The following TCTN1 variants were observed in gnomAD, a reference collection of about 807,000 sequenced individuals.
TCTN1 encodes tectonic-1.
In TCTN1, 58 loss-of-function variants were observed where a neutral mutation model predicts 65.8. The observed-to-expected ratio is 0.88, with a 90% CI of 0.71 to 1.10. The LOEUF (loss-of-function observed/expected upper bound fraction) is 1.10, where lower values mean the gene tolerates loss of function less well. TCTN1 is among the 50% of genes least tolerant of loss of function. TCTN1 has a pLI of 0.00. For missense variants in TCTN1, 645 were observed against 719.4 expected (o/e 0.90, Z 1.18); for synonymous variants, 273 against 289.1 (o/e 0.94, Z 0.57).
chr12:110,628,475 G>A (rs1265243910), intron 3 of TCTN1, among the ~76,000 whole-genome samples: 1 of 151,792 alleles, frequency 6.6e-6, no homozygotes, highest in African/African-American at 2.4e-5. Flanking sequence ...CGAGTAGCTG[G>A]GATTACAGGT....
At chr12:110,638,102 C>CT (rs56276123) in intron 7 of TCTN1, among the ~76,000 whole-genome samples, 21,789 of 152,056 alleles carry the variant, frequency 0.14, 2,149 homozygotes, top group African/African-American at 0.28. Flanking sequence ...GATGAATGAG[C>CT]TGCCCATGGC....
chr12:110,634,003 T>C (rs1329668051), intron 5 of TCTN1, among the ~76,000 whole-genome samples: 2 of 152,190 alleles, frequency 1.3e-5, no homozygotes. Context: ...GGAACTGGTA[T>C]AATAATTATG....
intron 2 of TCTN1, 85 bp from the exon 3 acceptor site, chr12:110,626,277 A>C: frequency 7.0e-7 from 1 of 1,421,556 alleles, no homozygotes; most frequent in Non-Finnish European, 9.5e-7. Context: ...AGTACAGTAC[A>C]AGCATCTGAC....
Position 110,644,805 on chromosome 12 carries a change from G to A in TCTN1, c.1332-162G>A. The stretch of plus-strand genomic sequence containing the variant: ...TGCATGAGCCCAGGAGTTTGAGGCT[G>A]CAGGGAGCTATGATGGTGCCACTGC... On this transcript the variant is annotated intron_variant, in intron 11 of 14. Coordinates refer to ENST00000397659, the MANE Select transcript of TCTN1 (RefSeq NM_001082538.3). This position sits in a 1 kb window ranked among gnomAD's most constrained non-coding sequence, Gnocchi z 4.6. 1.2e-6 allele frequency: 1 copy of A among 857,708 alleles called. No homozygotes were observed. The allele number at this position is 857,708 out of a possible 1,614,324, so 53.1% of individuals were successfully genotyped here. A position where few individuals can be genotyped will look rare whatever the true frequency, so the allele number is the denominator to read the frequency against.
chr12:110,647,162 C>T (rs375021459), intron 12 of TCTN1, 34 bp from the exon 13 acceptor site: 8 of 1,613,742 alleles, frequency 5.0e-6, no homozygotes, highest in Non-Finnish European at 6.8e-6. Flanking sequence ...TTAAGTCTGA[C>T]TTGCAGTTTT....
intron 4 of TCTN1, among the ~76,000 whole-genome samples, chr12:110,630,748 A>T (rs1462023442): frequency 2.0e-5 from 3 of 152,310 alleles, no homozygotes; most frequent in Non-Finnish European, 1.5e-5. Context: ...TGTTCTAGAA[A>T]ATTCCTTTTT....
chr12:110,645,222 C>A lies in TCTN1; in HGVS notation c.1494+93C>A, dbSNP rs539141291. The A allele has an allele frequency of 4.2e-4, 653 of 1,539,958 alleles. 3 individuals carry two copies. Among genetic ancestry groups the A allele is most frequent in the Non-Finnish European group, 5.6e-4 (639 of 1,134,666 alleles). On this transcript the variant is annotated intron_variant, in intron 12 of 14. Transcript: ENST00000397659. ...CCGGGGAAGCCAGCTGTTAAGGAGG[C>A]AGGATGGCCCTGAGTGGGAGCGCGG... is the stretch of plus-strand genomic sequence containing the variant.
At chr12:110,626,308 A>G in intron 2 of TCTN1, 54 bp from the exon 3 acceptor site, 4 of 1,531,158 alleles carry the variant, frequency 2.6e-6, no homozygotes, top group Non-Finnish European at 3.5e-6. Flanking sequence ...TAATTTTGCT[A>G]AGATTGTGTG....
chr12:110,628,015 A>G, intron 3 of TCTN1: 1 of 1,534,048 alleles, frequency 6.5e-7, no homozygotes, highest in South Asian at 1.2e-5. Flanking sequence ...CCCAGTGAAC[A>G]TGCCAGCCTG....
At chr12:110,633,446 G>C (rs1247745856) in intron 5 of TCTN1, among the ~76,000 whole-genome samples, 1 of 152,040 alleles carries the variant, frequency 6.6e-6, no homozygotes, top group Non-Finnish European at 1.5e-5. Context: ...GTTTGAGCCT[G>C]GGCAACATAG....
chr12:110,618,192 C>A (rs1027056157), intron 1 of TCTN1, among the ~76,000 whole-genome samples: 7 of 151,702 alleles, frequency 4.6e-5, no homozygotes, highest in Non-Finnish European at 7.4e-5. Flanking sequence ...CCTGCCTCAG[C>A]CTCCCTGAGT....
chr12:110,624,374 G>A (rs929621680), intron 2 of TCTN1, among the ~76,000 whole-genome samples: 11 of 150,950 alleles, frequency 7.3e-5, no homozygotes, highest in Admixed American at 1.3e-4. Flanking sequence ...CCAGCATGCC[G>A]GACTAATTTT....
At chr12:110,616,353 G>A in intron 1 of TCTN1, 1 of 389,228 alleles carries the variant, frequency 2.6e-6, no homozygotes, top group Non-Finnish European at 5.3e-6. Context: ...CTAGGCTCAG[G>A]TGATCTTCCC....
chr12:110,634,857 C>T (rs2136072072), intron 6 of TCTN1, 78 bp downstream of exon 6: 3 of 1,142,070 alleles, frequency 2.6e-6, no homozygotes, highest in South Asian at 2.7e-5. Flanking sequence ...ATGACAAGTA[C>T]AGAATAATTT....
chr12:110,626,315 T>C, intron 2 of TCTN1, 47 bp from the exon 3 acceptor site: 1 of 1,538,272 alleles, frequency 6.5e-7, no homozygotes, highest in Non-Finnish European at 8.8e-7. Context: ...GCTAAGATTG[T>C]GTGCTTATGT....
intron 1 of TCTN1, among the ~76,000 whole-genome samples, chr12:110,619,226 G>T (rs2065253975): frequency 6.6e-6 from 1 of 152,010 alleles, no homozygotes. Context: ...AGGTGGGGGA[G>T]ATTCCTACCC....
chr12:110,618,741 A>G (rs1360033313), intron 1 of TCTN1, among the ~76,000 whole-genome samples: 1 of 152,236 alleles, frequency 6.6e-6, no homozygotes, highest in African/African-American at 2.4e-5. Context: ...CCTTCCAGCA[A>G]TAATTGCAAC....
chr12:110,647,486 C>A, intron 13 of TCTN1, 150 bp downstream of exon 13: 1 of 1,122,682 alleles, frequency 8.9e-7, no homozygotes, highest in Non-Finnish European at 1.3e-6. Flanking sequence ...CTTAGAAACA[C>A]TGACGATGGT....
In TCTN1 at chr12:110,644,709, TA is replaced by T. The variant is rs2067185686; in HGVS notation, c.1332-252del. On this transcript the variant is annotated intron_variant, in intron 11 of 14. Transcript: ENST00000397659. This position sits in a 1 kb window ranked among gnomAD's most constrained non-coding sequence, Gnocchi z 4.6. ...AACAAAAAAACCAAAAATCAAAACT[TA>T]AAAAACAAAAAACTGCTGGTGGGCT... 2 of 503,332 alleles carry T rather than the reference TA, an allele frequency of 4.0e-6. No homozygotes were observed. The highest frequency in any genetic ancestry group is 7.2e-6 in the Non-Finnish European group (2 of 279,470). The allele number at this position is 503,332 out of a possible 1,614,324, so 31.2% of individuals were successfully genotyped here.
Sources: gnomAD v4.1 joint callset for allele counts (sites outside exome capture counted in the v4.1 genomes callset) on GRCh38, gnomAD v4.1.1 for gene constraint, Gnocchi (gnomAD v3.1) non-coding constraint, MANE v1.5 for transcripts, NCBI Gene and HGNC (gene_info 2026-07-23, HGNC 2026-07-21) for gene names.